The following RBFOX1 variants were observed in gnomAD, a reference collection of about 807,000 sequenced individuals.
RBFOX1 encodes the protein RNA binding protein fox-1 homolog 1.
Under a neutral mutation model 57.7 loss-of-function variants are expected in RBFOX1, and 8 were observed. The ratio of observed to expected loss-of-function variants is 0.14; its 90% CI spans 0.08 to 0.25. The LOEUF (loss-of-function observed/expected upper bound fraction) is 0.25, where lower values mean the gene tolerates loss of function less well. Among genes scored for constraint, RBFOX1 ranks in the 10% least tolerant of loss-of-function variants. The probability of loss-of-function intolerance (pLI) is 1.00; values close to 1 mark genes in which losing one functional copy is unlikely to be tolerated. For missense variants in RBFOX1, 611 were observed against 548.5 expected (o/e 1.11, Z -1.14); for synonymous variants, 326 against 222.4 (o/e 1.47, Z -4.15).
chr16:7,655,697 T>G (rs1020132459), intron 12 of RBFOX1, among the ~76,000 whole-genome samples: 4 of 152,022 alleles, frequency 2.6e-5, no homozygotes, highest in Non-Finnish European at 4.4e-5. Context: ...AATCCAAAAT[T>G]GCACTTATAC....
At position 6,892,858 on chromosome 16, in the gene RBFOX1, C is replaced by A. The variant is rs180826032; in HGVS notation, c.-15-159199C>A. Among the ~76,000 whole-genome samples, 881 of 149,728 alleles carry A rather than the reference C, an allele frequency of 5.9e-3. 11 individuals carry two copies. Among genetic ancestry groups the A allele is most frequent in the African/African-American group, 0.021 (833 of 40,370 alleles). ...GCTTCAGGGTGTTCTGTGCCCCCCT[C>A]CCCTGTCTGATTTCTGTCTCTGCTC... On this transcript the variant is annotated intron_variant, in intron 3 of 15. Transcript: ENST00000550418.
chr16:7,426,079 G>C (rs577942523), intron 4 of RBFOX1, among the ~76,000 whole-genome samples: 16 of 152,306 alleles, frequency 1.1e-4, no homozygotes, highest in African/African-American at 3.8e-4. Flanking sequence ...GGCTTATCTC[G>C]TTTAAGGGAG....
intron 3 of RBFOX1, among the ~76,000 whole-genome samples, chr16:5,621,191 G>A (rs1373846982): frequency 6.6e-6 from 1 of 152,064 alleles, no homozygotes; most frequent in Admixed American, 6.5e-5. Context: ...TTTCCCGGCT[G>A]GTCTCAAACT....
intron 4 of RBFOX1, among the ~76,000 whole-genome samples, chr16:7,065,416 G>A (rs376301314): frequency 5.9e-5 from 9 of 152,056 alleles, no homozygotes; most frequent in East Asian, 3.9e-4. Flanking sequence ...ACCCTGCCTC[G>A]TTCCTCTGTC....
intron 4 of RBFOX1, among the ~76,000 whole-genome samples, chr16:7,400,942 C>T (rs1040183938): frequency 3.3e-5 from 5 of 152,244 alleles, no homozygotes; most frequent in South Asian, 2.1e-4. Flanking sequence ...CATACCACCA[C>T]GGTATTTTAT....
At chr16:7,462,161 C>G (rs544373913) in intron 4 of RBFOX1, among the ~76,000 whole-genome samples, 1 of 152,182 alleles carries the variant, frequency 6.6e-6, no homozygotes, top group African/African-American at 2.4e-5. Flanking sequence ...GCCCAGCCTT[C>G]GGAGGGAAAC....
chr16:7,224,127 TA>T (rs1168449932), intron 4 of RBFOX1, among the ~76,000 whole-genome samples: 860 of 52,260 alleles, frequency 0.016, 15 homozygotes, highest in African/African-American at 0.042. Context: ...TTCCTTTTTC[TA>T]AAAAAAAAAA....
At chr16:7,530,524 C>A (rs2079787035) in intron 5 of RBFOX1, among the ~76,000 whole-genome samples, 1 of 151,494 alleles carries the variant, frequency 6.6e-6, no homozygotes, top group Non-Finnish European at 1.5e-5. Flanking sequence ...AAAAAGTCTT[C>A]ATTTTATCTA....
At chr16:6,163,262 A>G (rs1385992440) in intron 1 of RBFOX1, among the ~76,000 whole-genome samples, 1 of 152,146 alleles carries the variant, frequency 6.6e-6, no homozygotes, top group Non-Finnish European at 1.5e-5. Context: ...TTCATACGTT[A>G]CTTTTGCGGG....
chr16:6,252,853 G>GGATC (rs557827617), intron 1 of RBFOX1, among the ~76,000 whole-genome samples: 65 of 152,276 alleles, frequency 4.3e-4, no homozygotes, highest in African/African-American at 1.6e-3. Context: ...GGGTGTGAAT[G>GGATC]GATCGTGTAG....
At chr16:7,473,881 T>A (rs559892626) in intron 4 of RBFOX1, among the ~76,000 whole-genome samples, 4 of 152,330 alleles carry the variant, frequency 2.6e-5, no homozygotes, top group African/African-American at 9.6e-5. Flanking sequence ...ATTACCTAAG[T>A]GCCATCCAGC....
At chr16:7,453,796 A>T (rs2057904578) in intron 4 of RBFOX1, among the ~76,000 whole-genome samples, 1 of 152,192 alleles carries the variant, frequency 6.6e-6, no homozygotes, top group Admixed American at 6.5e-5. Flanking sequence ...TGATGAGATT[A>T]TGAAGCACGG....
At chr16:6,411,287 T>G (rs1299876442) in intron 2 of RBFOX1, among the ~76,000 whole-genome samples, 1 of 152,170 alleles carries the variant, frequency 6.6e-6, no homozygotes. Context: ...TGGACCCTTT[T>G]TATCTAGATA....
intron 3 of RBFOX1, among the ~76,000 whole-genome samples, chr16:6,819,543 A>G (rs1023658133): frequency 6.6e-6 from 1 of 151,640 alleles, no homozygotes; most frequent in Admixed American, 6.6e-5. Flanking sequence ...ATCTCTACTA[A>G]AAATACAAAA....
chr16:7,655,906 A>C (rs1161983200), intron 12 of RBFOX1, among the ~76,000 whole-genome samples: 2 of 152,240 alleles, frequency 1.3e-5, no homozygotes, highest in Non-Finnish European at 2.9e-5. Context: ...GCTAACTTAT[A>C]ATGAACATGC....
chr16:6,257,485 G>T (rs920603815), intron 1 of RBFOX1, among the ~76,000 whole-genome samples: 1 of 151,220 alleles, frequency 6.6e-6, no homozygotes, highest in Non-Finnish European at 1.5e-5. Flanking sequence ...GTACACTTTT[G>T]TCCTGGGGGT....
intron 3 of RBFOX1, among the ~76,000 whole-genome samples, chr16:6,868,006 A>G (rs143094765): frequency 1.3e-5 from 2 of 152,310 alleles, no homozygotes; most frequent in Admixed American, 1.3e-4. Context: ...TGAGAAGCTG[A>G]AACTACTATA....
chr16:7,146,975 C>CTT (rs1187614171), intron 4 of RBFOX1, among the ~76,000 whole-genome samples: 6 of 25,754 alleles, frequency 2.3e-4, no homozygotes, highest in Admixed American at 6.4e-4. Context: ...AGAACAACGA[C>CTT]TTTTTTTTTT....
chr16:7,130,825 C>G (rs2070121628), intron 4 of RBFOX1, among the ~76,000 whole-genome samples: 1 of 152,104 alleles, frequency 6.6e-6, no homozygotes, highest in Non-Finnish European at 1.5e-5. Context: ...AACAAGAACA[C>G]TTTCTCATCT....
Sources: gnomAD v4.1 joint callset for allele counts (sites outside exome capture counted in the v4.1 genomes callset) on GRCh38, gnomAD v4.1.1 for gene constraint, MANE v1.5 for transcripts, NCBI Gene and HGNC (gene_info 2026-07-23, HGNC 2026-07-21) for gene names.